The following DISP1 variants were observed in gnomAD, a reference collection of about 807,000 sequenced individuals.
The protein encoded by DISP1 is protein dispatched homolog 1.
A neutral mutation model predicts 37.3 loss-of-function variants in DISP1; 30 were observed. The ratio of observed to expected loss-of-function variants is 0.80; its 90% CI spans 0.60 to 1.09. DISP1 has a LOEUF of 1.09. Ranked by LOEUF, DISP1 falls within the 50% of genes least tolerant of loss-of-function variation. The pLI is 0.00. For missense variants in DISP1, 1,598 were observed against 1,879.5 expected, an observed-to-expected ratio of 0.85 and a Z score of 2.77; for synonymous variants, 634 against 690.2, an observed-to-expected ratio of 0.92 and a Z score of 1.28.
chr1:222,931,654 A>G (rs1673405393), intron 2 of DISP1, among the ~76,000 whole-genome samples: 1 of 150,328 alleles, frequency 6.7e-6, no homozygotes, highest in South Asian at 2.1e-4. Flanking sequence ...AGAATTGGAA[A>G]GTTTAAGATG....
chr1:222,959,868 A>G (rs765360827), intron 3 of DISP1, among the ~76,000 whole-genome samples: 5 of 152,032 alleles, frequency 3.3e-5, no homozygotes. Context: ...AAACCAACAA[A>G]GATCAAAAAA....
rs373030958 is a variant in DISP1, at chr1:222,854,274, A to G, written c.-159+39196A>G. Among the ~76,000 whole-genome samples, 218 of 152,310 alleles carry G rather than the reference A, an allele frequency of 1.4e-3. 2 individuals carry two copies. The highest frequency in any genetic ancestry group is 0.014 in the Middle Eastern group (4 of 294). ...CCCAAGACTGGGTAATTTATAGAGAAAAGAGGTTTAATTGACCTCACAGTT... is the reference window on the plus strand; with the variant it reads ...CCCAAGACTGGGTAATTTATAGAGAGAAGAGGTTTAATTGACCTCACAGTT... On this transcript the variant is annotated intron_variant, in intron 1 of 8. Coordinates refer to ENST00000675850, the MANE Select transcript of DISP1 (RefSeq NM_001377229.1).
At chr1:222,968,087 G>A (rs1558058172) in intron 3 of DISP1, among the ~76,000 whole-genome samples, 1 of 152,108 alleles carries the variant, frequency 6.6e-6, no homozygotes, top group Non-Finnish European at 1.5e-5. Flanking sequence ...AAAAGAACTG[G>A]TAGACACATC....
At chr1:222,877,245 C>T (rs1015083664) in intron 1 of DISP1, among the ~76,000 whole-genome samples, 4 of 152,066 alleles carry the variant, frequency 2.6e-5, no homozygotes, top group African/African-American at 7.2e-5. Context: ...AAGATATACC[C>T]GAGAGTGGGA....
At chr1:222,859,171 G>A (rs1365715868) in intron 1 of DISP1, among the ~76,000 whole-genome samples, 2 of 152,198 alleles carry the variant, frequency 1.3e-5, no homozygotes, top group East Asian at 3.8e-4. Flanking sequence ...ATGAGATCAT[G>A]TCTTTTGCAG....
At chr1:222,922,229 G>A (rs1672840158) in intron 1 of DISP1, among the ~76,000 whole-genome samples, 1 of 152,130 alleles carries the variant, frequency 6.6e-6, no homozygotes, top group South Asian at 2.1e-4. Context: ...ACTAGTGGGG[G>A]AGCCATGAGT....
intron 1 of DISP1, among the ~76,000 whole-genome samples, chr1:222,820,277 T>G (rs1462392957): frequency 1.3e-5 from 2 of 152,326 alleles, no homozygotes; most frequent in Admixed American, 6.5e-5. Flanking sequence ...AGAGTAGATA[T>G]ATCATAAAAT....
At chr1:222,874,339 A>T (rs1669813291) in intron 1 of DISP1, among the ~76,000 whole-genome samples, 1 of 152,140 alleles carries the variant, frequency 6.6e-6, no homozygotes, top group Admixed American at 6.5e-5. Context: ...TAGATTGAGG[A>T]AGTTCTCCTG....
chr1:222,909,775 G>A (rs1008154166), intron 1 of DISP1, among the ~76,000 whole-genome samples: 3 of 152,216 alleles, frequency 2.0e-5, no homozygotes, highest in South Asian at 2.1e-4. Context: ...AGCCTGCCAA[G>A]CTCCTGGCCA....
At chr1:222,918,781 G>A (rs1286753102) in intron 1 of DISP1, among the ~76,000 whole-genome samples, 2 of 152,254 alleles carry the variant, frequency 1.3e-5, no homozygotes, top group East Asian at 3.8e-4. Flanking sequence ...ATCAGAAAGA[G>A]CCTGCCTCTT....
In DISP1 at chr1:222,846,234, G is replaced by A. The variant is rs141828325; in HGVS notation, c.-159+31156G>A. Among the ~76,000 whole-genome samples the A allele has an allele frequency of 2.7e-3, 409 of 152,374 alleles. 15 individuals carry two copies. In the East Asian group the frequency reaches 0.069, roughly 26 times the overall value. Reference sequence around the variant, plus strand: ...AGGCCAGATGTGGTGGATCATGCCTGTAATCCCAGCACTTTGGGAGGCCAA... The same window carrying A: ...AGGCCAGATGTGGTGGATCATGCCTATAATCCCAGCACTTTGGGAGGCCAA... On this transcript the variant is annotated intron_variant, in intron 1 of 8. Coordinates refer to ENST00000675850, the MANE Select transcript of DISP1 (RefSeq NM_001377229.1).
At chr1:222,885,070 C>T (rs1388890000) in intron 1 of DISP1, among the ~76,000 whole-genome samples, 1 of 151,996 alleles carries the variant, frequency 6.6e-6, no homozygotes, top group Non-Finnish European at 1.5e-5. Flanking sequence ...CCTCGTGATC[C>T]GCCCGCCTCG....
intron 8 of DISP1, 83 bp from the exon 9 acceptor site, chr1:223,002,302 C>A: frequency 8.0e-7 from 1 of 1,247,252 alleles, no homozygotes; most frequent in Non-Finnish European, 1.2e-6. Context: ...CCCTCAAGAT[C>A]ACCTTAGTGC....
intron 1 of DISP1, among the ~76,000 whole-genome samples, chr1:222,839,441 T>A (rs1029275597): frequency 2.0e-5 from 3 of 152,212 alleles, no homozygotes; most frequent in Non-Finnish European, 4.4e-5. Flanking sequence ...GCCTTTTCTC[T>A]TGGGCTGATG....
At chr1:222,934,104 G>A (rs1673568550) in intron 2 of DISP1, among the ~76,000 whole-genome samples, 1 of 151,976 alleles carries the variant, frequency 6.6e-6, no homozygotes, top group Non-Finnish European at 1.5e-5. Context: ...TATTTTTCAT[G>A]TGGACCTTCA....
At chr1:222,996,627 T>G (rs1254367516) in intron 8 of DISP1, among the ~76,000 whole-genome samples, 2 of 152,218 alleles carry the variant, frequency 1.3e-5, no homozygotes, top group Admixed American at 1.3e-4. Context: ...GTGTTCTAAA[T>G]ACTTTAATAC....
chr1:222,878,229 T>C (rs554835749), intron 1 of DISP1, among the ~76,000 whole-genome samples: 18 of 152,328 alleles, frequency 1.2e-4, no homozygotes, highest in Middle Eastern at 3.4e-3. Context: ...TTAGAGCTAG[T>C]ACTGATAGCT....
intron 8 of DISP1, among the ~76,000 whole-genome samples, chr1:223,002,113 G>A (rs1304821610): frequency 6.6e-6 from 1 of 152,140 alleles, no homozygotes; most frequent in Non-Finnish European, 1.5e-5. Context: ...AACAAAACTA[G>A]CATTGGTTGA....
intron 1 of DISP1, among the ~76,000 whole-genome samples, chr1:222,896,679 A>T (rs879709903): frequency 5.3e-5 from 8 of 152,174 alleles, no homozygotes; most frequent in Non-Finnish European, 8.8e-5. Flanking sequence ...TGTGTGACAA[A>T]GGGCTTGTAT....
Sources: gnomAD v4.1 joint callset for allele counts (sites outside exome capture counted in the v4.1 genomes callset) on GRCh38, gnomAD v4.1.1 for gene constraint, MANE v1.5 for transcripts, NCBI Gene and HGNC (gene_info 2026-07-23, HGNC 2026-07-21) for gene names.